GPHN: variants seen among roughly 807,000 people sequenced by gnomAD.
GPHN encodes the protein gephyrin.
A neutral mutation model predicts 95.5 loss-of-function variants in GPHN; 17 were observed. The ratio of observed to expected loss-of-function variants is 0.18; its 90% CI spans 0.12 to 0.27. The LOEUF (loss-of-function observed/expected upper bound fraction) is 0.27. Among genes scored for constraint, GPHN ranks in the 10% least tolerant of loss-of-function variants. GPHN has a pLI of 1.00. For missense variants in GPHN, 660 were observed against 978.1 expected, an observed-to-expected ratio of 0.67 and a Z score of 4.34; for synonymous variants, 320 against 322.5, an observed-to-expected ratio of 0.99 and a Z score of 0.08.
chr14:67,138,458 A>G (rs1217865285), intron 17 of GPHN, among the ~76,000 whole-genome samples: 3 of 152,116 alleles, frequency 2.0e-5, no homozygotes, highest in South Asian at 4.1e-4. Flanking sequence ...TCTCTATTAT[A>G]TTATTCATGA....
chr14:67,279,475 C>G, the GPHN span: 1 of 1,603,078 alleles, frequency 6.2e-7, no homozygotes, highest in African/African-American at 1.3e-5. Context: ...ATAGATAACC[C>G]TATGTTTGAT....
At chr14:67,316,417 T>C in the GPHN span, among the ~76,000 whole-genome samples, 1 of 151,924 alleles carries the variant, frequency 6.6e-6, no homozygotes, top group African/African-American at 2.4e-5. Context: ...AATATGGAAT[T>C]GAATATGTGA....
At chr14:67,432,711 T>A in the GPHN span, among the ~76,000 whole-genome samples, 1 of 152,170 alleles carries the variant, frequency 6.6e-6, no homozygotes, top group East Asian at 1.9e-4. Context: ...AACCAAGGTG[T>A]TGGCAGAGTT....
intron 1 of GPHN, among the ~76,000 whole-genome samples, chr14:66,643,577 A>G (rs1307957977): frequency 1.3e-5 from 2 of 152,098 alleles, no homozygotes; most frequent in South Asian, 2.1e-4. Context: ...AAATTTAAAC[A>G]TAGATGAATC....
chr14:67,032,680 G>T (rs1229488582), intron 10 of GPHN, among the ~76,000 whole-genome samples: 4 of 152,116 alleles, frequency 2.6e-5, no homozygotes, highest in African/African-American at 9.7e-5. Flanking sequence ...CTCTAATTGG[G>T]AAATTACATA....
chr14:66,869,453 G>A (rs1035648940), intron 4 of GPHN, among the ~76,000 whole-genome samples: 1 of 152,116 alleles, frequency 6.6e-6, no homozygotes, highest in Non-Finnish European at 1.5e-5. Context: ...ACAGGTCTTT[G>A]TACTCAGCTC....
At chr14:66,743,572 T>TA (rs201025629) in intron 2 of GPHN, among the ~76,000 whole-genome samples, 2,053 of 150,650 alleles carry the variant, frequency 0.014, 24 homozygotes, top group Middle Eastern at 0.021. Context: ...CCTTCTCTAG[T>TA]AAAAAAAAAT....
intron 8 of GPHN, among the ~76,000 whole-genome samples, chr14:66,949,985 T>C (rs1194539666): frequency 1.6e-5 from 2 of 122,372 alleles, no homozygotes; most frequent in East Asian, 4.5e-4. Flanking sequence ...AAATTAGCTT[T>C]AGGACAGGAA....
chr14:67,522,104 C>T, the GPHN span, among the ~76,000 whole-genome samples: 8 of 152,092 alleles, frequency 5.3e-5, no homozygotes, highest in Non-Finnish European at 8.8e-5. Context: ...ACCCGGGAGG[C>T]GGAGGTTGCA....
chr14:66,717,230 A>G (rs1056888440), intron 2 of GPHN, among the ~76,000 whole-genome samples: 1 of 152,126 alleles, frequency 6.6e-6, no homozygotes, highest in African/African-American at 2.4e-5. Flanking sequence ...GATTGAGTTC[A>G]TTTGAAGACC....
chr14:67,172,178 G>A (rs1157109986), intron 21 of GPHN, among the ~76,000 whole-genome samples: 1 of 152,068 alleles, frequency 6.6e-6, no homozygotes, highest in Non-Finnish European at 1.5e-5. Context: ...AACATCCACA[G>A]GCTGAGATGC....
At chr14:67,154,498 G>A (rs951542834) in intron 18 of GPHN, among the ~76,000 whole-genome samples, 2 of 152,090 alleles carry the variant, frequency 1.3e-5, no homozygotes, top group Non-Finnish European at 2.9e-5. Flanking sequence ...CATGAAATGC[G>A]TAGCACATAT....
rs748108193 is a variant in GPHN at position 66,818,965 on chromosome 14, C to T, written c.202-5509C>T. Among the ~76,000 whole-genome samples the T allele has an allele frequency of 2.2e-4, 34 of 152,114 alleles. 1 individual carries two copies. The highest frequency in any genetic ancestry group is 1.0e-4 in the Non-Finnish European group (7 of 67,988). ...TTTCCCTGTAAATTTATTTAAGTTC[C>T]TTGCAAATGCTGGATATTAGACCTT... On this transcript the variant is annotated intron_variant, in intron 3 of 22. Transcript: ENST00000478722.
chr14:67,329,379 T>A, the GPHN span, among the ~76,000 whole-genome samples: 1 of 152,224 alleles, frequency 6.6e-6, no homozygotes, highest in African/African-American at 2.4e-5. Flanking sequence ...GATTTTGGGC[T>A]GAGACGATGG....
At chr14:66,603,323 T>A (rs932074896) in intron 1 of GPHN, among the ~76,000 whole-genome samples, 2 of 151,956 alleles carry the variant, frequency 1.3e-5, no homozygotes, top group Non-Finnish European at 2.9e-5. Context: ...TTTTTTTGTG[T>A]GTGTGTGGTG....
At chr14:67,299,897 G>A in the GPHN span, among the ~76,000 whole-genome samples, 2 of 152,130 alleles carry the variant, frequency 1.3e-5, no homozygotes, top group Non-Finnish European at 2.9e-5. Context: ...CATCCTCAGA[G>A]TTTCTTCAGC....
the GPHN span, among the ~76,000 whole-genome samples, chr14:67,484,540 C>T: frequency 1.3e-5 from 2 of 152,278 alleles, no homozygotes; most frequent in South Asian, 4.1e-4. Flanking sequence ...TGTAATCACA[C>T]ATCTTAGAGA....
intron 2 of GPHN, among the ~76,000 whole-genome samples, chr14:66,734,943 A>G (rs947280781): frequency 6.6e-5 from 10 of 152,190 alleles, no homozygotes; most frequent in Non-Finnish European, 7.3e-5. Flanking sequence ...GAAATTCACT[A>G]TTTACTATGT....
At chr14:66,797,003 G>T (rs1289620173) in intron 3 of GPHN, among the ~76,000 whole-genome samples, 1 of 132,712 alleles carries the variant, frequency 7.5e-6, no homozygotes, top group East Asian at 2.1e-4. Context: ...TATATGGTGA[G>T]ACATAGGTAT....
Sources: allele counts gnomAD v4.1 joint callset (sites outside exome capture counted in the v4.1 genomes callset), GRCh38; gene constraint gnomAD v4.1.1; transcripts MANE v1.5; gene names NCBI Gene and HGNC (gene_info 2026-07-23, HGNC 2026-07-21).